Variants in FYB1 observed in about 807,000 individuals in gnomAD.
The protein encoded by FYB1 is FYN binding protein 1, also known as FYN-binding protein 1.
Under a neutral mutation model 94.1 loss-of-function variants are expected in FYB1, and 41 were observed. The ratio of observed to expected loss-of-function variants is 0.44; its 90% CI spans 0.34 to 0.57. The LOEUF is 0.57. Ranked by LOEUF, FYB1 falls within the 20% of genes least tolerant of loss-of-function variation. FYB1 has a pLI of 0.02. For synonymous variants in FYB1, 367 were observed against 353.2 expected (o/e 1.04, Z -0.44); for missense variants, 1,050 against 976.8 (o/e 1.07, Z -1.00).
intron 1 of FYB1, among the ~76,000 whole-genome samples, chr5:39,207,679 C>T (rs10051776): frequency 0.059 from 8,872 of 151,042 alleles, 334 homozygotes; most frequent in Admixed American, 0.11. Context: ...TTATTAGGAA[C>T]AGGATTTTGT....
intron 1 of FYB1, among the ~76,000 whole-genome samples, chr5:39,206,097 C>T (rs1003535596): frequency 1.2e-4 from 19 of 152,246 alleles, no homozygotes; most frequent in Middle Eastern, 3.4e-3. Context: ...TAATGTACTC[C>T]TGAATAACAT....
chr5:39,218,361 G>A (rs897520148), intron 1 of FYB1, among the ~76,000 whole-genome samples: 4 of 152,102 alleles, frequency 2.6e-5, no homozygotes, highest in Middle Eastern at 6.8e-3. Context: ...TTAAGGTATC[G>A]GACTATTTGA....
intron 1 of FYB1, among the ~76,000 whole-genome samples, chr5:39,238,483 G>A (rs1751065126): frequency 6.6e-6 from 1 of 151,926 alleles, no homozygotes; most frequent in Non-Finnish European, 1.5e-5. Context: ...CAATTTTTTT[G>A]CAGTACTTTT....
chr5:39,120,591 C>T (rs1047494589), intron 14 of FYB1, among the ~76,000 whole-genome samples: 2 of 151,958 alleles, frequency 1.3e-5, no homozygotes, highest in Admixed American at 6.6e-5. Context: ...TTAAGAGCTT[C>T]CCACATGATA....
intron 16 of FYB1, among the ~76,000 whole-genome samples, chr5:39,117,407 G>A (rs937601309): frequency 3.3e-5 from 5 of 152,038 alleles, no homozygotes; most frequent in African/African-American, 1.2e-4. Flanking sequence ...GATGCTTATA[G>A]TTCTTTTAGC....
At chr5:39,150,477 A>G (rs1743145813) in intron 3 of FYB1, among the ~76,000 whole-genome samples, 1 of 152,202 alleles carries the variant, frequency 6.6e-6, no homozygotes, top group Non-Finnish European at 1.5e-5. Context: ...AATCTTTGGA[A>G]CACTTACTTT....
intron 1 of FYB1, among the ~76,000 whole-genome samples, chr5:39,274,048 C>G (rs1172641429): frequency 2.0e-5 from 3 of 152,048 alleles, no homozygotes; most frequent in Non-Finnish European, 4.4e-5. Context: ...CCTCAGCCTC[C>G]CAAGTAACTG....
intron 3 of FYB1, among the ~76,000 whole-genome samples, chr5:39,148,384 T>G (rs1249823885): frequency 5.2e-5 from 4 of 77,262 alleles, no homozygotes; most frequent in Non-Finnish European, 9.2e-5. Context: ...TCAGCAGGTT[T>G]TTTTTTTTTT....
intron 1 of FYB1, among the ~76,000 whole-genome samples, chr5:39,247,174 ATAAGCCT>A (rs1751519629): frequency 6.7e-6 from 1 of 148,398 alleles, no homozygotes; most frequent in African/African-American, 2.5e-5. Flanking sequence ...ACTGAGCAAA[ATAAGCCT>A]TAAAATTTAA....
chr5:39,222,668 A>C (rs1750319118), upstream of FYB1, among the ~76,000 whole-genome samples: 1 of 152,230 alleles, frequency 6.6e-6, no homozygotes, highest in South Asian at 2.1e-4. Context: ...AAATGCTATG[A>C]GGTGAGTTTA....
chr5:39,241,203 A>G (rs1282114906), intron 1 of FYB1, among the ~76,000 whole-genome samples: 1 of 152,330 alleles, frequency 6.6e-6, no homozygotes, highest in East Asian at 1.9e-4. Flanking sequence ...AGGAATGCCT[A>G]TTGGGTACTA....
chr5:39,119,161 G>A (rs1739854651), intron 15 of FYB1, 125 bp from the exon 16 acceptor site: 3 of 499,086 alleles, frequency 6.0e-6, no homozygotes, highest in Non-Finnish European at 3.4e-6. Flanking sequence ...GAAATATAAT[G>A]TAGGAATATT....
At position 39,202,213 on chromosome 5, in the gene FYB1, G is replaced by C. The variant is rs1748399099; in HGVS notation, c.748C>G (p.His250Asp). 2 of 1,613,826 alleles carry C rather than the reference G, an allele frequency of 1.2e-6. No homozygotes were observed. The highest frequency in any genetic ancestry group is 2.7e-5 in the African/African-American group (2 of 74,898). Reference sequence around the variant, plus strand: ...GGCAAACTTGAAATCTCCCCTGCATGGTCTTTATTTTCTGAGTCTTCCCTT... The same window carrying C: ...GGCAAACTTGAAATCTCCCCTGCATCGTCTTTATTTTCTGAGTCTTCCCTT... ...PAREDSENKD[H>D]AGEISSLPFP... The change falls in exon 2 of 19, where the codon CAT becomes GAT. Residue 250 changes from histidine to aspartate, a missense_variant. Coordinates refer to ENST00000512982, the MANE Select transcript of FYB1 (RefSeq NM_001465.6).
chr5:39,128,293 A>G (rs2150303763), intron 10 of FYB1, among the ~76,000 whole-genome samples: 1 of 152,274 alleles, frequency 6.6e-6, no homozygotes, highest in South Asian at 2.1e-4. Flanking sequence ...TTGAAAGTTA[A>G]ACTGTTTCTG....
At chr5:39,216,843 T>A (rs758692904) in intron 1 of FYB1, among the ~76,000 whole-genome samples, 65 of 152,212 alleles carry the variant, frequency 4.3e-4, no homozygotes, top group Admixed American at 9.8e-4. Context: ...CATCCACTGC[T>A]CTGACCAACT....
chr5:39,261,279 AT>A (rs1334663018), intron 1 of FYB1, among the ~76,000 whole-genome samples: 1 of 147,122 alleles, frequency 6.8e-6, no homozygotes, highest in African/African-American at 2.5e-5. Flanking sequence ...CGTTCTGCAC[AT>A]GTATCTCCGA....
At chr5:39,143,834 T>A (rs1384429253) in intron 3 of FYB1, among the ~76,000 whole-genome samples, 3 of 152,170 alleles carry the variant, frequency 2.0e-5, no homozygotes, top group Non-Finnish European at 4.4e-5. Context: ...TCTAATAAAC[T>A]CACTTTAAAA....
intron 2 of FYB1, among the ~76,000 whole-genome samples, chr5:39,183,251 G>T (rs1360908194): frequency 6.6e-6 from 1 of 152,114 alleles, no homozygotes; most frequent in Non-Finnish European, 1.5e-5. Context: ...CTCCCAAAAT[G>T]CTGGGATTAC....
chr5:39,112,331 C>T lies in FYB1; in HGVS notation c.2402-1942G>A, dbSNP rs553871820. Reference sequence around the variant, plus strand: ...AAAATAACACAATAGCAAATGTTCCCATAATATACTCATGTTGATGTTAAT... The same window carrying T: ...AAAATAACACAATAGCAAATGTTCCTATAATATACTCATGTTGATGTTAAT... On this transcript the variant is annotated intron_variant, in intron 16 of 18. Coordinates refer to ENST00000512982, the MANE Select transcript of FYB1 (RefSeq NM_001465.6). Among the ~76,000 whole-genome samples, 12 of 151,922 alleles carry T rather than the reference C, an allele frequency of 7.9e-5. No individual in the cohort carries two copies. In the East Asian group the frequency reaches 1.3e-3, roughly 17 times the overall value.
Sources: gnomAD v4.1 joint callset for allele counts (sites outside exome capture counted in the v4.1 genomes callset) on GRCh38, gnomAD v4.1.1 for gene constraint, MANE v1.5 for transcripts, NCBI Gene and HGNC (gene_info 2026-07-23, HGNC 2026-07-21) for gene names.